HTR4: variants seen among roughly 807,000 people sequenced by gnomAD.
HTR4 encodes 5-hydroxytryptamine (serotonin) receptor 4, G protein-coupled.
HTR4 carries 16 observed loss-of-function variants against 36.8 expected under a neutral mutation model. That is an observed-to-expected ratio of 0.43 (90% confidence interval 0.29 to 0.66). HTR4 has a LOEUF of 0.66. Ranked by LOEUF, HTR4 falls within the 30% of genes least tolerant of loss-of-function variation. HTR4 has a pLI of 0.13. For synonymous variants in HTR4, 189 were observed against 185.1 expected (o/e 1.02, Z -0.17); for missense variants, 438 against 490.9 (o/e 0.89, Z 1.02).
At chr5:148,637,125 T>C in intron 1 of HTR4, 64 bp from the exon 2 acceptor site, 1 of 1,107,972 alleles carries the variant, frequency 9.0e-7, no homozygotes, top group African/African-American at 1.6e-5. Context: ...CAAGTCCTTG[T>C]TTTAAAAAAC....
At chr5:148,539,713 A>G (rs1198226191) in intron 4 of HTR4, among the ~76,000 whole-genome samples, 3 of 152,230 alleles carry the variant, frequency 2.0e-5, no homozygotes, top group Non-Finnish European at 4.4e-5. Context: ...TTGAAAAGTC[A>G]AAAAATGACA....
At chr5:148,575,191 TAGA>T (rs1469297909) in intron 2 of HTR4, among the ~76,000 whole-genome samples, 1 of 152,002 alleles carries the variant, frequency 6.6e-6, no homozygotes, top group African/African-American at 2.4e-5. Context: ...TAATCCTTAA[TAGA>T]AGGAGAGGTA....
chr5:148,573,447 C>A (rs995967515), intron 2 of HTR4, among the ~76,000 whole-genome samples: 2 of 152,060 alleles, frequency 1.3e-5, no homozygotes, highest in Non-Finnish European at 2.9e-5. Flanking sequence ...GAGTGGTCAC[C>A]ATCTCAAATG....
intron 2 of HTR4, among the ~76,000 whole-genome samples, chr5:148,565,760 A>C (rs975975758): frequency 2.0e-5 from 3 of 152,186 alleles, no homozygotes; most frequent in Non-Finnish European, 4.4e-5. Context: ...GCCCAAAGAT[A>C]GACAGACTGA....
chr5:148,516,597 C>T lies in HTR4; in HGVS notation c.508-6573G>A, dbSNP rs190117978. On this transcript the variant is annotated intron_variant, in intron 5 of 6. Coordinates refer to ENST00000377888, the MANE Select transcript of HTR4 (RefSeq NM_000870.7). ...CCTCCCAAAGTGCTGGGATTACAGGCGTGAGCCACCGCACCTGGCCAAAAA... is the reference window on the plus strand; with the variant it reads ...CCTCCCAAAGTGCTGGGATTACAGGTGTGAGCCACCGCACCTGGCCAAAAA... 2.4e-3 allele frequency among the ~76,000 whole-genome samples: 368 copies of T among 151,524 alleles called. 13 individuals carry two copies. In the East Asian group the frequency reaches 0.04, roughly 17 times the overall value.
At chr5:148,525,785 A>G (rs1017529219) in intron 4 of HTR4, among the ~76,000 whole-genome samples, 9 of 152,230 alleles carry the variant, frequency 5.9e-5, no homozygotes, top group African/African-American at 2.2e-4. Flanking sequence ...TCCAAAAGAT[A>G]TGTTGAATTC....
chr5:148,576,873 G>A (rs1760943044), intron 2 of HTR4, among the ~76,000 whole-genome samples: 1 of 152,050 alleles, frequency 6.6e-6, no homozygotes, highest in African/African-American at 2.4e-5. Context: ...AAACATGGAA[G>A]ACAAGCTAGG....
At chr5:148,523,107 A>G in intron 5 of HTR4, 86 bp downstream of exon 5, 2 of 1,235,256 alleles carry the variant, frequency 1.6e-6, no homozygotes, top group Non-Finnish European at 2.3e-6. Context: ...TTCTTAGAAT[A>G]CTCAATCTAA....
At chr5:148,547,346 C>T (rs917672700) in intron 4 of HTR4, among the ~76,000 whole-genome samples, 2 of 151,690 alleles carry the variant, frequency 1.3e-5, no homozygotes, top group African/African-American at 4.8e-5. Flanking sequence ...GGTGAAACCC[C>T]GTCTCTACTA....
chr5:148,615,885 C>T (rs1375051368), intron 2 of HTR4, among the ~76,000 whole-genome samples: 2 of 152,128 alleles, frequency 1.3e-5, no homozygotes, highest in Non-Finnish European at 2.9e-5. Context: ...AAATGTTGTC[C>T]TGTCTAAATT....
chr5:148,583,294 G>T (rs1761216681), intron 2 of HTR4, among the ~76,000 whole-genome samples: 1 of 149,722 alleles, frequency 6.7e-6, no homozygotes, highest in South Asian at 2.1e-4. Flanking sequence ...CCCACTTGGG[G>T]GAGGGGGGAG....
intron 2 of HTR4, among the ~76,000 whole-genome samples, chr5:148,608,192 C>A (rs1752259804): frequency 6.6e-6 from 1 of 152,180 alleles, no homozygotes; most frequent in African/African-American, 2.4e-5. Context: ...ATTCACTCAA[C>A]AAATATTTAT....
chr5:148,554,750 T>C (rs2113856556), intron 2 of HTR4, among the ~76,000 whole-genome samples: 1 of 152,298 alleles, frequency 6.6e-6, no homozygotes, highest in South Asian at 2.1e-4. Flanking sequence ...TCATCATCCA[T>C]ATAATAAGCA....
intron 2 of HTR4, among the ~76,000 whole-genome samples, chr5:148,557,410 G>A (rs912846283): frequency 6.6e-6 from 1 of 152,212 alleles, no homozygotes; most frequent in Admixed American, 6.5e-5. Context: ...AATTTAATGA[G>A]ATGGGTGAAA....
chr5:148,644,422 G>GTTTTTT (rs1175588280), intron 1 of HTR4, among the ~76,000 whole-genome samples: 423 of 40,598 alleles, frequency 0.01, 59 homozygotes, highest in Non-Finnish European at 0.011. Context: ...AAGCTCACAA[G>GTTTTTT]TTTTTTTTTT....
At position 148,511,972 on chromosome 5, in the gene HTR4, C is replaced by T. The variant is rs139282941; in HGVS notation, c.508-1948G>A. ...TTATGTTTTGTTACTGAAAAGTGTCCTGGGCATCCATATCCACATAATTAT... is the reference window on the plus strand; with the variant it reads ...TTATGTTTTGTTACTGAAAAGTGTCTTGGGCATCCATATCCACATAATTAT... On this transcript the variant is annotated intron_variant, in intron 5 of 6. Transcript: ENST00000377888. Among the ~76,000 whole-genome samples the T allele has an allele frequency of 3.2e-3, 482 of 152,202 alleles. 3 individuals carry two copies. Among genetic ancestry groups the T allele is most frequent in the Non-Finnish European group, 4.4e-3 (302 of 68,008 alleles).
At chr5:148,478,291 C>A (rs575622936), downstream of HTR4, among the ~76,000 whole-genome samples, 1 of 151,886 alleles carries the variant, frequency 6.6e-6, no homozygotes. Context: ...TGGAACTAGG[C>A]GATTTGTAAA....
intron 1 of HTR4, among the ~76,000 whole-genome samples, chr5:148,641,687 TA>T (rs1286666500): frequency 6.6e-6 from 1 of 152,192 alleles, no homozygotes; most frequent in African/African-American, 2.4e-5. Context: ...CTTATAAGAC[TA>T]GGAGGAGGAA....
chr5:148,651,809 A>G (rs1231547240), intron 1 of HTR4, among the ~76,000 whole-genome samples: 1 of 151,750 alleles, frequency 6.6e-6, no homozygotes, highest in African/African-American at 2.4e-5. Flanking sequence ...TCATATCAAC[A>G]AATTGATCAG....
Sources: gnomAD v4.1 joint callset for allele counts (sites outside exome capture counted in the v4.1 genomes callset) on GRCh38, gnomAD v4.1.1 for gene constraint, MANE v1.5 for transcripts, NCBI Gene and HGNC (gene_info 2026-07-23, HGNC 2026-07-21) for gene names.